Variants in NRDC observed in about 807,000 individuals in gnomAD.
NRDC encodes nardilysin.
NRDC carries 54 observed loss-of-function variants against 147.1 expected under a neutral mutation model. That is an observed-to-expected ratio of 0.37 (90% CI 0.29 to 0.46). NRDC has a LOEUF of 0.46. Ranked by LOEUF, NRDC falls within the 20% of genes least tolerant of loss-of-function variation. The pLI, the probability that NRDC is intolerant of heterozygous loss-of-function variation, is 1.00. For missense variants in NRDC, 1,082 were observed against 1,370.6 expected (o/e 0.79, Z 3.33); for synonymous variants, 440 against 482.1 (o/e 0.91, Z 1.14).
rs904573692 is a variant in NRDC at position 51,792,276 on chromosome 1, G to A, written c.2823+101C>T. Reference sequence around the variant, plus strand: ...ATGACCATCTCACCTTCAAATCACAGATCTCTGACTACCCCATGTCCCTAA... The same window carrying A: ...ATGACCATCTCACCTTCAAATCACAAATCTCTGACTACCCCATGTCCCTAA... On this transcript the variant is annotated intron_variant, in intron 25 of 30. Coordinates refer to ENST00000352171, the MANE Select transcript of NRDC (RefSeq NM_001101662.2). The A allele has an allele frequency of 1.4e-5, 19 of 1,373,546 alleles. 1 individual carries two copies. In the Admixed American group the frequency reaches 3.1e-4, roughly 22 times the overall value. The allele number at this position is 1,373,546 out of a possible 1,614,324, so 85.1% of individuals were successfully genotyped here.
chr1:51,843,311 T>TAAA (rs11326967), intron 1 of NRDC, among the ~76,000 whole-genome samples: 1 of 139,444 alleles, frequency 7.2e-6, no homozygotes, highest in Non-Finnish European at 1.5e-5. Context: ...CAAAAAAGGT[T>TAAA]AAAAAAAAAA....
At chr1:51,794,037 G>T (rs1317782813) in intron 24 of NRDC, 5 of 157,424 alleles carry the variant, frequency 3.2e-5, no homozygotes, top group Admixed American at 1.8e-4. Flanking sequence ...TCATGGAGTT[G>T]TCACCCTAAA....
At chr1:51,809,280 G>A (rs761755894) in intron 17 of NRDC, 35 bp downstream of exon 17, 5 of 1,394,068 alleles carry the variant, frequency 3.6e-6, no homozygotes, top group Non-Finnish European at 5.1e-6. Flanking sequence ...TTAGCACATG[G>A]ATGGATTATG....
intron 1 of NRDC, among the ~76,000 whole-genome samples, chr1:51,843,260 A>T (rs72901904): frequency 1.3e-5 from 2 of 151,244 alleles, no homozygotes; most frequent in Admixed American, 1.3e-4. Context: ...GCTCTCTGCT[A>T]TCCACTTGCC....
intron 20 of NRDC, among the ~76,000 whole-genome samples, chr1:51,802,785 A>G (rs936199500): frequency 2.6e-5 from 4 of 152,208 alleles, no homozygotes; most frequent in Non-Finnish European, 5.9e-5. Flanking sequence ...CACCTAGCAC[A>G]GGTCTTTCTG....
intron 2 of NRDC, 182 bp from the exon 3 acceptor site, chr1:51,836,394 T>TG: frequency 6.2e-7 from 1 of 1,613,898 alleles, no homozygotes; most frequent in Non-Finnish European, 8.5e-7. Context: ...TTCACCCTGC[T>TG]GCTCCTCCGC....
intron 15 of NRDC, among the ~76,000 whole-genome samples, chr1:51,811,780 T>TGA (rs1221576156): frequency 1.3e-5 from 2 of 152,208 alleles, no homozygotes; most frequent in Non-Finnish European, 2.9e-5. Flanking sequence ...TAACAAGTAC[T>TGA]GAGTTTGATT....
chr1:51,789,724 G>A, intron 29 of NRDC, 67 bp from the exon 30 acceptor site: 1 of 1,106,300 alleles, frequency 9.0e-7, no homozygotes, highest in Non-Finnish European at 1.4e-6. Context: ...CTAACCCCCA[G>A]GCAGATGTCC....
chr1:51,815,890 T>A (rs2149204644), intron 11 of NRDC: 1 of 152,656 alleles, frequency 6.6e-6, no homozygotes, highest in South Asian at 2.1e-4. Context: ...CAGTCCCACC[T>A]ATTAACTATG....
chr1:51,800,645 G>A lies in NRDC; in HGVS notation c.2352C>T (p.Phe784=). 1 of 1,613,726 alleles carries A rather than the reference G, an allele frequency of 6.2e-7. No homozygotes were observed. Among genetic ancestry groups the A allele is most frequent in the Non-Finnish European group, 8.5e-7 (1 of 1,179,692 alleles). ...FQLIIDYLAE[F]NSTPAVFTMI... ...TTGTAAAGACAGCTGGTGTGGAATTGAACTCAGCTAAGTAGTCAATAATGA... is the reference window on the plus strand; with the variant it reads ...TTGTAAAGACAGCTGGTGTGGAATTAAACTCAGCTAAGTAGTCAATAATGA... Residue 784 remains phenylalanine, a synonymous_variant, in exon 21 of 31, where the codon TTC becomes TTT. Transcript: ENST00000352171.
intron 2 of NRDC, among the ~76,000 whole-genome samples, chr1:51,838,561 TAAG>T (rs1681096975): frequency 6.6e-6 from 1 of 152,154 alleles, no homozygotes; most frequent in Admixed American, 6.5e-5. Flanking sequence ...AGTATTCAGT[TAAG>T]AAGTTATAAC....
At chr1:51,854,198 T>C (rs1682124960) in intron 1 of NRDC, among the ~76,000 whole-genome samples, 1 of 151,862 alleles carries the variant, frequency 6.6e-6, no homozygotes, top group Non-Finnish European at 1.5e-5. Flanking sequence ...GGAAACTCTG[T>C]CTCTACTAAA....
intron 4 of NRDC, among the ~76,000 whole-genome samples, chr1:51,828,647 A>G (rs1680559879): frequency 6.6e-6 from 1 of 151,838 alleles, no homozygotes; most frequent in South Asian, 2.1e-4. Context: ...TTATTCAAAG[A>G]TTGGTGTATT....
At chr1:51,827,197 A>G (rs1680485967) in intron 5 of NRDC, among the ~76,000 whole-genome samples, 1 of 152,220 alleles carries the variant, frequency 6.6e-6, no homozygotes, top group Non-Finnish European at 1.5e-5. Flanking sequence ...ACTTCCAGAT[A>G]GATCACTCTA....
intron 1 of NRDC, chr1:51,860,042 G>T: frequency 4.9e-6 from 1 of 202,642 alleles, no homozygotes; most frequent in East Asian, 1.6e-4. Flanking sequence ...ATTTGGCCGT[G>T]TCTTTTACTT....
chr1:51,812,504 G>T (rs1247274127), intron 14 of NRDC, among the ~76,000 whole-genome samples: 3 of 151,898 alleles, frequency 2.0e-5, no homozygotes, highest in African/African-American at 7.3e-5. Context: ...CTCCAGCATG[G>T]GCAACAAAGC....
chr1:51,802,384 A>C (rs2495222), intron 20 of NRDC, among the ~76,000 whole-genome samples: 121,639 of 152,080 alleles, frequency 0.8, 49,620 homozygotes, highest in East Asian at 0.98. Flanking sequence ...TATATATGTT[A>C]TATATTAGGT....
At chr1:51,872,359 G>A (rs1193565044) in intron 1 of NRDC, among the ~76,000 whole-genome samples, 1 of 152,012 alleles carries the variant, frequency 6.6e-6, no homozygotes, top group East Asian at 1.9e-4. Flanking sequence ...CACAACTTCA[G>A]TTAGAAACAA....
At chr1:51,802,807 C>G (rs1428112061) in intron 20 of NRDC, among the ~76,000 whole-genome samples, 1 of 152,052 alleles carries the variant, frequency 6.6e-6, no homozygotes. Context: ...CAGGTCCTTT[C>G]CTCTAAAATT....
Sources: gnomAD v4.1 joint callset for allele counts (sites outside exome capture counted in the v4.1 genomes callset) on GRCh38, gnomAD v4.1.1 for gene constraint, MANE v1.5 for transcripts, NCBI Gene and HGNC (gene_info 2026-07-23, HGNC 2026-07-21) for gene names.